CSMD1: variants seen among roughly 807,000 people sequenced by gnomAD.
CSMD1 encodes CUB and sushi domain-containing protein 1.
CSMD1 carries 213 observed loss-of-function variants against 417.5 expected under a neutral mutation model. The observed-to-expected ratio is 0.51, with a 90% CI of 0.46 to 0.57. The LOEUF is 0.57. CSMD1 is among the 20% of genes least tolerant of loss of function. CSMD1 has a pLI of 0.00. For missense variants in CSMD1, 6,923 were observed against 4,529.7 expected, an observed-to-expected ratio of 1.53 and a Z score of -15.17; for synonymous variants, 2,862 against 1,736.8, an observed-to-expected ratio of 1.65 and a Z score of -16.11.
chr8:4,024,391 G>A (rs890204361), intron 4 of CSMD1, among the ~76,000 whole-genome samples: 1 of 152,158 alleles, frequency 6.6e-6, no homozygotes, highest in Non-Finnish European at 1.5e-5. Flanking sequence ...GCTGATGGAA[G>A]TTTTACTTTC....
chr8:4,292,016 C>A (rs983408030), intron 3 of CSMD1, among the ~76,000 whole-genome samples: 1 of 152,000 alleles, frequency 6.6e-6, no homozygotes, highest in African/African-American at 2.4e-5. Flanking sequence ...TTGCATAGAT[C>A]CATTATTACC....
At chr8:4,251,977 G>C (rs984843565) in intron 3 of CSMD1, among the ~76,000 whole-genome samples, 1 of 151,936 alleles carries the variant, frequency 6.6e-6, no homozygotes, top group African/African-American at 2.4e-5. Flanking sequence ...GAGGTAAGGA[G>C]AAAACAGAGC....
intron 2 of CSMD1, among the ~76,000 whole-genome samples, chr8:4,447,573 C>T (rs1252244841): frequency 6.6e-6 from 1 of 152,180 alleles, no homozygotes; most frequent in East Asian, 1.9e-4. Context: ...AATACCAATG[C>T]TCTGTCAACA....
chr8:3,834,711 G>T (rs376149559), intron 5 of CSMD1, among the ~76,000 whole-genome samples: 4 of 152,180 alleles, frequency 2.6e-5, no homozygotes, highest in Admixed American at 2.6e-4. Context: ...GTCTTGGGCA[G>T]ATTAGAAATT....
chr8:4,926,413 C>T (rs569716981), intron 1 of CSMD1, among the ~76,000 whole-genome samples: 2 of 152,196 alleles, frequency 1.3e-5, no homozygotes, highest in South Asian at 4.2e-4. Flanking sequence ...CGCATGTGGC[C>T]GTGTAATTCT....
chr8:3,818,314 C>T (rs1321829019), intron 5 of CSMD1, among the ~76,000 whole-genome samples: 2 of 152,154 alleles, frequency 1.3e-5, no homozygotes, highest in Non-Finnish European at 2.9e-5. Flanking sequence ...AGAACATACA[C>T]ATGTTCCAAA....
intron 3 of CSMD1, among the ~76,000 whole-genome samples, chr8:4,042,669 G>C (rs1243311627): frequency 1.3e-5 from 2 of 151,594 alleles, no homozygotes; most frequent in Non-Finnish European, 2.9e-5. Context: ...ACTATTAGCT[G>C]TTTAAAGCCA....
chr8:3,422,007 C>A (rs958002664), intron 12 of CSMD1, among the ~76,000 whole-genome samples: 3 of 150,138 alleles, frequency 2.0e-5, no homozygotes, highest in Admixed American at 6.6e-5. Context: ...AGCCACCGCG[C>A]CCGGCCCCAC....
intron 3 of CSMD1, among the ~76,000 whole-genome samples, chr8:4,063,881 G>C (rs1387016897): frequency 6.6e-6 from 1 of 152,160 alleles, no homozygotes; most frequent in Non-Finnish European, 1.5e-5. Flanking sequence ...TTTACACGTA[G>C]CTGAAATATC....
intron 58 of CSMD1, 82 bp downstream of exon 58, chr8:2,966,488 T>G (rs1225995933): frequency 1.6e-5 from 21 of 1,283,846 alleles, no homozygotes; most frequent in Non-Finnish European, 2.3e-5. Context: ...AAAAACAGTA[T>G]AACACCTTAA....
intron 2 of CSMD1, among the ~76,000 whole-genome samples, chr8:4,442,808 T>A (rs1798560604): frequency 6.6e-6 from 1 of 152,230 alleles, no homozygotes; most frequent in Non-Finnish European, 1.5e-5. Context: ...AAAATTTGAT[T>A]TCTAAAACTG....
chr8:3,522,941 A>G (rs1042573149), intron 10 of CSMD1, among the ~76,000 whole-genome samples: 4 of 150,650 alleles, frequency 2.7e-5, no homozygotes, highest in Non-Finnish European at 1.5e-5. Context: ...TTATATATTG[A>G]CAAATATTTA....
chr8:4,737,700 G>A (rs181763035), intron 1 of CSMD1, among the ~76,000 whole-genome samples: 8 of 152,106 alleles, frequency 5.3e-5, no homozygotes, highest in African/African-American at 7.2e-5. Flanking sequence ...CATTTAATTC[G>A]GCTGCTGAAG....
At chr8:3,934,095 T>A (rs977912954) in intron 5 of CSMD1, among the ~76,000 whole-genome samples, 1 of 152,220 alleles carries the variant, frequency 6.6e-6, no homozygotes, top group Admixed American at 6.5e-5. Flanking sequence ...TTCTAAGGAA[T>A]GTTTTTGAAA....
intron 7 of CSMD1, among the ~76,000 whole-genome samples, chr8:3,635,752 G>A (rs185375385): frequency 2.8e-5 from 4 of 142,610 alleles, no homozygotes; most frequent in African/African-American, 5.4e-5. Context: ...CGAAGTGCTG[G>A]GATTACAGGT....
chr8:4,918,874 TACA>T (rs1444080906), intron 1 of CSMD1, among the ~76,000 whole-genome samples: 1 of 152,178 alleles, frequency 6.6e-6, no homozygotes, highest in African/African-American at 2.4e-5. Context: ...CACACACCCC[TACA>T]ACATGTAATT....
intron 3 of CSMD1, among the ~76,000 whole-genome samples, chr8:4,036,921 G>A (rs532445090): frequency 5.3e-5 from 8 of 152,018 alleles, no homozygotes; most frequent in African/African-American, 1.4e-4. Flanking sequence ...AGGCTCATTG[G>A]CATGTGCCCT....
intron 3 of CSMD1, among the ~76,000 whole-genome samples, chr8:4,139,918 G>C (rs1803679493): frequency 6.6e-6 from 1 of 150,898 alleles, no homozygotes; most frequent in Admixed American, 6.6e-5. Flanking sequence ...CTCATCTTCA[G>C]AGGATGGATA....
At chr8:4,612,440 A>G (rs1408672220) in intron 2 of CSMD1, among the ~76,000 whole-genome samples, 2 of 152,228 alleles carry the variant, frequency 1.3e-5, no homozygotes, top group African/African-American at 2.4e-5. Flanking sequence ...AATAGGGAAG[A>G]TGCCACCTAC....
Sources: gnomAD v4.1 joint callset for allele counts (sites outside exome capture counted in the v4.1 genomes callset) on GRCh38, gnomAD v4.1.1 for gene constraint, MANE v1.5 for transcripts, NCBI Gene and HGNC (gene_info 2026-07-23, HGNC 2026-07-21) for gene names.